The following PPP1R18 variants were observed in gnomAD, a reference collection of about 807,000 sequenced individuals.
PPP1R18 encodes the protein phostensin.
Under a neutral mutation model 54.8 loss-of-function variants are expected in PPP1R18, and 31 were observed. The observed-to-expected ratio is 0.57, with a 90% CI of 0.43 to 0.76. The LOEUF (loss-of-function observed/expected upper bound fraction) is 0.76, where lower values mean the gene tolerates loss of function less well. Among genes scored for constraint, PPP1R18 ranks in the 30% least tolerant of loss-of-function variants. The pLI, the probability that PPP1R18 is intolerant of heterozygous loss-of-function variation, is 0.00. For missense variants in PPP1R18, 685 were observed against 776.1 expected (o/e 0.88, Z 1.39); for synonymous variants, 310 against 320.2 (o/e 0.97, Z 0.34).
rs1770939083 is a variant in PPP1R18, at chr6:30,686,336, A to G, written c.-318T>C. The stretch of plus-strand genomic sequence containing the variant: ...ATGTGGCAGCACAGGGTTAATGCGT[A>G]TTAAAGACCGTCTCTAGGATGTGAG... On this transcript the variant is annotated 5_prime_UTR_variant, in exon 1 of 3. Transcript: ENST00000274853. The G allele has an allele frequency of 7.7e-6, 3 of 391,782 alleles. No homozygotes were observed. Among genetic ancestry groups the G allele is most frequent in the Admixed American group, 4.3e-5 (1 of 23,418 alleles). 24.3% of individuals were successfully genotyped at this position (391,782 alleles called of 1,614,324 possible).
In PPP1R18 at chr6:30,676,966, G is replaced by A; in HGVS notation, c.*303C>T. 1 of 548,024 alleles carries A rather than the reference G, an allele frequency of 1.8e-6. No homozygotes were observed. 33.9% of individuals were successfully genotyped at this position (548,024 alleles called of 1,614,324 possible). ...GGGAGAGTGTACCCTGCCATGGGGG[G>A]CAGGTGCTCCATCTCCACCCTCCAG... On this transcript the variant is annotated 3_prime_UTR_variant, in exon 3 of 3. Coordinates refer to ENST00000274853, the MANE Select transcript of PPP1R18 (RefSeq NM_133471.4).
Position 30,677,203 on chromosome 6 carries a change from A to G in PPP1R18, c.*66T>C. The G allele has an allele frequency of 6.8e-7, 1 of 1,472,758 alleles. No individual in the cohort carries two copies. Among genetic ancestry groups the G allele is most frequent in the South Asian group, 1.1e-5 (1 of 87,950 alleles). The allele number at this position is 1,472,758 out of a possible 1,614,324, so 91.2% of individuals were successfully genotyped here. A position where few individuals can be genotyped will look rare whatever the true frequency, so the allele number is the denominator to read the frequency against. On this transcript the variant is annotated 3_prime_UTR_variant, in exon 3 of 3. Coordinates refer to ENST00000274853, the MANE Select transcript of PPP1R18 (RefSeq NM_133471.4). ...CATTATCAGGGTCTGTCTGCCCTGA[A>G]TCTTCCGGGCTCCAGGATCTTCAGT...
chr6:30,686,130 AG>A lies in PPP1R18; in HGVS notation c.-113del. The stretch of plus-strand genomic sequence containing the variant: ...CTGAGGGTGGGAGGAGAGGAAGTGG[AG>A]GGGGAGAGGTGGGACACAAAGCAGG... On this transcript the variant is annotated 5_prime_UTR_variant, in exon 1 of 3. Coordinates refer to ENST00000274853, the MANE Select transcript of PPP1R18 (RefSeq NM_133471.4). 2.7e-6 allele frequency: 3 copies of A among 1,130,136 alleles called. No homozygotes were observed. Among genetic ancestry groups the A allele is most frequent in the Non-Finnish European group, 3.8e-6 (3 of 799,726 alleles). 70.0% of individuals were successfully genotyped at this position (1,130,136 alleles called of 1,614,324 possible).
At position 30,684,264 on chromosome 6, in the gene PPP1R18, C is replaced by G; in HGVS notation, c.1611+144G>C. The G allele has an allele frequency of 1.3e-6, 1 of 792,192 alleles. No homozygotes were observed. The highest frequency in any genetic ancestry group is 2.2e-5 in the South Asian group (1 of 45,798). 49.1% of individuals were successfully genotyped at this position (792,192 alleles called of 1,614,324 possible). A position where few individuals can be genotyped will look rare whatever the true frequency, so the allele number is the denominator to read the frequency against. On this transcript the variant is annotated intron_variant, in intron 1 of 2. Coordinates refer to ENST00000274853, the MANE Select transcript of PPP1R18 (RefSeq NM_133471.4). The surrounding 1 kb of genome is among the most constrained non-coding windows in gnomAD (Gnocchi z 6.0). ...GCTCTGAGAAGGAAGGGTGTATGTG[C>G]AGAGCGAGGAAGGGTGGTGGCAGGA...
Position 30,685,794 on chromosome 6 carries a change from A to G in PPP1R18, c.225T>C (p.Ser75=). Residue 75 remains serine (S), a synonymous_variant, in exon 1 of 3, where the codon TCT becomes TCC. Coordinates refer to ENST00000274853, the MANE Select transcript of PPP1R18 (RefSeq NM_133471.4). The surrounding 1 kb of genome is among the most constrained non-coding windows in gnomAD (Gnocchi z 5.0). ...GCCCGATGGCCTCCAGAAGGACCGC[A>G]GACTCATCCGGGTCTGGAGGTCCAG... ...VEAGPPDPDE[S]AVLLEAIGPV... The G allele has an allele frequency of 6.2e-7, 1 of 1,613,060 alleles. No individual in the cohort carries two copies. Among genetic ancestry groups the G allele is most frequent in the South Asian group, 1.1e-5 (1 of 91,082 alleles).
Position 30,677,071 on chromosome 6 carries a change from C to T in PPP1R18, c.*198G>A, listed in dbSNP as rs1213114812. On this transcript the variant is annotated 3_prime_UTR_variant, in exon 3 of 3. Transcript: ENST00000274853. Reference sequence around the variant, plus strand: ...GCACCAGCACGTTTAACCCCACCCACACCAGGGACTTTGGATTAGGGTAGA... The same window carrying T: ...GCACCAGCACGTTTAACCCCACCCATACCAGGGACTTTGGATTAGGGTAGA... 2 of 708,074 alleles carry T rather than the reference C, an allele frequency of 2.8e-6. No individual in the cohort carries two copies. The highest frequency in any genetic ancestry group is 5.2e-6 in the Non-Finnish European group (2 of 386,718). 43.9% of individuals were successfully genotyped at this position (708,074 alleles called of 1,614,324 possible). A position where few individuals can be genotyped will look rare whatever the true frequency, so the allele number is the denominator to read the frequency against.
rs1770784118 is a variant in PPP1R18, at chr6:30,684,849, C to T, written c.1170G>A (p.Leu390=). Residue 390 remains leucine, a synonymous_variant, in exon 1 of 3, where the codon CTG becomes CTA. Transcript: ENST00000274853. This position sits in a 1 kb window ranked among gnomAD's most constrained non-coding sequence, Gnocchi z 6.0. The part of the protein sequence containing the change: ...KEEAGAQGRP[L]RALQNCCSVP... Reference sequence around the variant, plus strand: ...CAGAGCAGCAGTTCTGCAGGGCTCTCAGAGGCCTGCCCTGAGCCCCCGCCT... The same window carrying T: ...CAGAGCAGCAGTTCTGCAGGGCTCTTAGAGGCCTGCCCTGAGCCCCCGCCT... 10 of 1,612,734 alleles carry T rather than the reference C, an allele frequency of 6.2e-6. No individual in the cohort carries two copies. Among genetic ancestry groups the T allele is most frequent in the African/African-American group, 1.3e-5 (1 of 74,902 alleles).
At position 30,684,700 on chromosome 6, in the gene PPP1R18, G is replaced by T; in HGVS notation, c.1319C>A (p.Ala440Asp). Residue 440 changes from alanine (A) to aspartate (D), a missense_variant, in exon 1 of 3, where the codon GCC becomes GAC. Coordinates refer to ENST00000274853, the MANE Select transcript of PPP1R18 (RefSeq NM_133471.4). This position sits in a 1 kb window ranked among gnomAD's most constrained non-coding sequence, Gnocchi z 6.0. ...GAGGGGATCCCCAGGAGGTTGGGGG[G>T]CAGTTGGGGCTGGGGGTGGGGGAGA... ...PLSPPPPAPTAPQPPGDPLMS... is the reference protein window; with the variant it reads ...PLSPPPPAPTDPQPPGDPLMS... 2 of 1,476,634 alleles carry T rather than the reference G, an allele frequency of 1.4e-6. No homozygotes were observed. Among genetic ancestry groups the T allele is most frequent in the African/African-American group, 1.4e-5 (1 of 71,536 alleles). The allele number at this position is 1,476,634 out of a possible 1,614,324, so 91.5% of individuals were successfully genotyped here. A position where few individuals can be genotyped will look rare whatever the true frequency, so the allele number is the denominator to read the frequency against.
chr6:30,686,721 G>T (rs1319884831), upstream of PPP1R18: 1 of 58,518 alleles, frequency 1.7e-5, no homozygotes, highest in African/African-American at 7.3e-5. Context: ...CCTCTGCCCC[G>T]CACTCCGCCC....
Position 30,677,295 on chromosome 6 carries a change from G to C in PPP1R18, c.1823-7C>G, listed in dbSNP as rs542086185. ...CACCGCCGGCAGGACTCATCTGTGGGAGAGGGGGCAATAATGTTAGAGAAT... is the reference window on the plus strand; with the variant it reads ...CACCGCCGGCAGGACTCATCTGTGGCAGAGGGGGCAATAATGTTAGAGAAT... On this transcript the variant is annotated splice_region_variant and splice_polypyrimidine_tract_variant and intron_variant, in intron 2 of 2. Coordinates refer to ENST00000274853, the MANE Select transcript of PPP1R18 (RefSeq NM_133471.4). 1.3e-5 allele frequency: 20 copies of C among 1,594,838 alleles called. No individual in the cohort carries two copies. Among genetic ancestry groups the C allele is most frequent in the South Asian group, 7.9e-5 (7 of 88,306 alleles).
At chr6:30,681,400 T>C (rs1770543290) in intron 1 of PPP1R18, among the ~76,000 whole-genome samples, 2 of 152,038 alleles carry the variant, frequency 1.3e-5, no homozygotes, top group Non-Finnish European at 2.9e-5. Context: ...TATTTTTTTT[T>C]CCATAATCAC....
intron 1 of PPP1R18, among the ~76,000 whole-genome samples, chr6:30,679,856 A>G (rs1212353211): frequency 6.6e-6 from 1 of 152,178 alleles, no homozygotes. Context: ...CAGTGGGGAA[A>G]GAACTGGCTG....
intron 2 of PPP1R18, among the ~76,000 whole-genome samples, chr6:30,678,376 AT>A (rs35334385): frequency 0.057 from 7,771 of 137,074 alleles, 228 homozygotes; most frequent in African/African-American, 0.094. Context: ...CACCTGGCTA[AT>A]TTTTTTTTTT....
chr6:30,686,111 G>A lies in PPP1R18; in HGVS notation c.-93C>T. The A allele has an allele frequency of 7.5e-7, 1 of 1,341,878 alleles. No individual in the cohort carries two copies. The highest frequency in any genetic ancestry group is 1.0e-6 in the Non-Finnish European group (1 of 990,322). The allele number at this position is 1,341,878 out of a possible 1,614,324, so 83.1% of individuals were successfully genotyped here. A position where few individuals can be genotyped will look rare whatever the true frequency, so the allele number is the denominator to read the frequency against. On this transcript the variant is annotated 5_prime_UTR_variant, in exon 1 of 3. Coordinates refer to ENST00000274853, the MANE Select transcript of PPP1R18 (RefSeq NM_133471.4). ...AGACAGCCCGGGGGTGAGACTGAGG[G>A]TGGGAGGAGAGGAAGTGGAGGGGGA...
At chr6:30,679,118 G>T in intron 2 of PPP1R18, 61 bp downstream of exon 2, 1 of 1,460,824 alleles carries the variant, frequency 6.8e-7, no homozygotes, top group Non-Finnish European at 9.4e-7. Flanking sequence ...CCTCTCTCCT[G>T]GACCACAGCG....
At position 30,684,684 on chromosome 6, in the gene PPP1R18, C is replaced by G. The variant is rs1770762283; in HGVS notation, c.1335G>C (p.Gly445=). 6.7e-7 allele frequency: 1 copy of G among 1,488,930 alleles called. No homozygotes were observed. The allele number at this position is 1,488,930 out of a possible 1,614,324, so 92.2% of individuals were successfully genotyped here. The change falls in exon 1 of 3, where the codon GGG becomes GGC. Residue 445 remains glycine, a synonymous_variant. Coordinates refer to ENST00000274853, the MANE Select transcript of PPP1R18 (RefSeq NM_133471.4). The surrounding 1 kb of genome is among the most constrained non-coding windows in gnomAD (Gnocchi z 6.0). ...AGAACAGGCGGCTCATGAGGGGATC[C>G]CCAGGAGGTTGGGGGGCAGTTGGGG... The part of the protein sequence containing the change: ...PPAPTAPQPP[G]DPLMSRLFYG...
In PPP1R18 at chr6:30,685,598, C is replaced by T; in HGVS notation, c.421G>A (p.Glu141Lys). The T allele has an allele frequency of 6.2e-7, 1 of 1,613,050 alleles. No homozygotes were observed. Among genetic ancestry groups the T allele is most frequent in the Non-Finnish European group, 8.5e-7 (1 of 1,180,014 alleles). ...DQSPKGRESR[E>K]ERLSPRETRE... ...GTCTCCCTCGGACTTAGTCTCTCTTCTCTTGACTCTCTTCCCTTGGGGCTC... is the reference window on the plus strand; with the variant it reads ...GTCTCCCTCGGACTTAGTCTCTCTTTTCTTGACTCTCTTCCCTTGGGGCTC... Residue 141 changes from glutamate (E) to lysine (K), a missense_variant, in exon 1 of 3, where the codon GAA becomes AAA. Transcript: ENST00000274853. The surrounding 1 kb of genome is among the most constrained non-coding windows in gnomAD (Gnocchi z 5.0).
At chr6:30,678,360 C>T (rs60581175) in intron 2 of PPP1R18, among the ~76,000 whole-genome samples, 7,450 of 151,744 alleles carry the variant, frequency 0.049, 368 homozygotes, top group African/African-American at 0.12. Context: ...CAGCTGCGCA[C>T]TGCCACACCT....
chr6:30,684,637 C>T lies in PPP1R18; in HGVS notation c.1382G>A (p.Gly461Glu), dbSNP rs1770758669. 1 of 1,528,456 alleles carries T rather than the reference C, an allele frequency of 6.5e-7. No homozygotes were observed. The highest frequency in any genetic ancestry group is 8.8e-7 in the Non-Finnish European group (1 of 1,136,122). The allele number at this position is 1,528,456 out of a possible 1,614,324, so 94.7% of individuals were successfully genotyped here. ...RLFYGVKAGP[G>E]VGAPRRSGHT... ...TCCACTGCGGCGGGGGGCCCCCACCCCTGGCCCTGCCTTCACCCCATAGAA... is the reference window on the plus strand; with the variant it reads ...TCCACTGCGGCGGGGGGCCCCCACCTCTGGCCCTGCCTTCACCCCATAGAA... Residue 461 changes from glycine to glutamate, a missense_variant, in exon 1 of 3, where the codon GGG becomes GAG. Gly to Glu is a moderately conservative substitution (Grantham distance 98). Transcript: ENST00000274853. The surrounding 1 kb of genome is among the most constrained non-coding windows in gnomAD (Gnocchi z 6.0).
Sources: allele counts gnomAD v4.1 joint callset (sites outside exome capture counted in the v4.1 genomes callset), GRCh38; gene constraint gnomAD v4.1.1; non-coding constraint Gnocchi (gnomAD v3.1); transcripts MANE v1.5; gene names NCBI Gene and HGNC (gene_info 2026-07-23, HGNC 2026-07-21).